The following TRAP1 variants were observed in gnomAD, a reference collection of about 807,000 sequenced individuals.
TRAP1 encodes heat shock protein 75 kDa, mitochondrial.
In TRAP1, 102 loss-of-function variants were observed where a neutral mutation model predicts 89.1. That is an observed-to-expected ratio of 1.15 (90% CI 0.98 to 1.35). The LOEUF (loss-of-function observed/expected upper bound fraction) is 1.35. Among genes scored for constraint, TRAP1 ranks in the 40% most tolerant of loss-of-function variants. The pLI, the probability that TRAP1 is intolerant of heterozygous loss-of-function variation, is 0.00. For synonymous variants in TRAP1, 508 were observed against 388.0 expected, an observed-to-expected ratio of 1.31 and a Z score of -3.64; for missense variants, 1,256 against 945.3, an observed-to-expected ratio of 1.33 and a Z score of -4.31.
chr16:3,702,292 G>A (rs752148919), intron 1 of TRAP1, among the ~76,000 whole-genome samples: 2 of 151,832 alleles, frequency 1.3e-5, no homozygotes, highest in Non-Finnish European at 2.9e-5. Context: ...AAACACAGAG[G>A]GAGGGGGCCT....
chr16:3,713,306 T>C (rs1275233950), intron 1 of TRAP1, among the ~76,000 whole-genome samples: 2 of 152,176 alleles, frequency 1.3e-5, no homozygotes, highest in Admixed American at 6.5e-5. Context: ...AACGAAGTAC[T>C]GAAGGGGAGG....
intron 1 of TRAP1, among the ~76,000 whole-genome samples, chr16:3,703,518 T>A (rs528350068): frequency 3.9e-5 from 6 of 152,050 alleles, no homozygotes; most frequent in South Asian, 4.1e-4. Flanking sequence ...ATGTGATACA[T>A]GCATGCATAG....
intron 1 of TRAP1, among the ~76,000 whole-genome samples, chr16:3,705,644 A>AT (rs1212178510): frequency 1.3e-5 from 2 of 152,086 alleles, no homozygotes; most frequent in Non-Finnish European, 2.9e-5. Context: ...TGTATAGATT[A>AT]TTTTTTTCCA....
chr16:3,665,858 A>AGCC, intron 12 of TRAP1, 113 bp downstream of exon 12: 2 of 1,344,250 alleles, frequency 1.5e-6, no homozygotes, highest in South Asian at 3.0e-5. Context: ...CAGCAGCAGC[A>AGCC]GCCAGGGTAC....
At chr16:3,670,381 T>TTAAAAAAA (rs2050896153) in intron 11 of TRAP1, among the ~76,000 whole-genome samples, 1 of 20,004 alleles carries the variant, frequency 5.0e-5, no homozygotes, top group African/African-American at 6.3e-4. Flanking sequence ...AGACTCCGTC[T>TTAAAAAAA]CAAAAAAAAA....
In TRAP1 at chr16:3,688,677, T is replaced by A. The variant is rs1462163611; in HGVS notation, c.330+378A>T. 3.9e-5 allele frequency among the ~76,000 whole-genome samples: 6 copies of A among 151,936 alleles called. No homozygotes were observed. In the East Asian group the frequency reaches 1.2e-3, roughly 29 times the overall value. ...TTTTAAATTTTTTGTAGAGACGGAGTCTTGCTGTGTTGACCAGGCTGGTCT... is the reference window on the plus strand; with the variant it reads ...TTTTAAATTTTTTGTAGAGACGGAGACTTGCTGTGTTGACCAGGCTGGTCT... On this transcript the variant is annotated intron_variant, in intron 3 of 17. Coordinates refer to ENST00000246957, the MANE Select transcript of TRAP1 (RefSeq NM_016292.3).
At chr16:3,717,104 G>A (rs1250422452) in intron 1 of TRAP1, among the ~76,000 whole-genome samples, 1 of 152,252 alleles carries the variant, frequency 6.6e-6, no homozygotes, top group Non-Finnish European at 1.5e-5. Flanking sequence ...ACCTGCACGT[G>A]CGCTACCTGA....
intron 3 of TRAP1, among the ~76,000 whole-genome samples, chr16:3,688,633 C>T (rs571884146): frequency 2.6e-4 from 40 of 152,188 alleles, no homozygotes; most frequent in African/African-American, 8.9e-4. Flanking sequence ...CAGGTCAGTG[C>T]CCCCATAGCT....
chr16:3,672,234 G>A (rs906075739), intron 10 of TRAP1, among the ~76,000 whole-genome samples: 3 of 152,100 alleles, frequency 2.0e-5, no homozygotes, highest in Admixed American at 6.6e-5. Flanking sequence ...TACTCGGGAG[G>A]CTAAGGCAGG....
At chr16:3,662,694 C>A (rs933688535) in intron 15 of TRAP1, 188 bp downstream of exon 15, 1 of 700,504 alleles carries the variant, frequency 1.4e-6, no homozygotes, top group South Asian at 1.5e-5. Context: ...AAGACACGGC[C>A]TTCCTGCCTC....
chr16:3,662,691 G>T (rs765081536), intron 15 of TRAP1, 191 bp downstream of exon 15: 36 of 698,010 alleles, frequency 5.2e-5, no homozygotes, highest in Non-Finnish European at 7.6e-5. Flanking sequence ...AGAAAGACAC[G>T]GCCTTCCTGC....
intron 1 of TRAP1, among the ~76,000 whole-genome samples, chr16:3,691,912 C>T (rs2051219374): frequency 6.6e-6 from 1 of 152,138 alleles, no homozygotes; most frequent in Non-Finnish European, 1.5e-5. Flanking sequence ...CGGCAGAGCC[C>T]AGCGAGGGAG....
chr16:3,677,650 C>T lies in TRAP1; in HGVS notation c.552G>A (p.Leu184=), dbSNP rs2051017579. Residue 184 remains leucine (L), a synonymous_variant, in exon 6 of 18, where the codon CTG becomes CTA. Coordinates refer to ENST00000246957, the MANE Select transcript of TRAP1 (RefSeq NM_016292.3). ...TIARSGSKAF[L]DALQNQAEAS... ...CCTCAGCCTGGTTCTGCAGAGCATC[C>T]AGGAAGGCCTGTGGGGCAGAGGCCA... 1 of 1,613,544 alleles carries T rather than the reference C, an allele frequency of 6.2e-7. No homozygotes were observed. Among genetic ancestry groups the T allele is most frequent in the Non-Finnish European group, 8.5e-7 (1 of 1,179,908 alleles).
At chr16:3,693,646 G>C (rs1251143435) in intron 1 of TRAP1, among the ~76,000 whole-genome samples, 1 of 152,104 alleles carries the variant, frequency 6.6e-6, no homozygotes, top group Non-Finnish European at 1.5e-5. Flanking sequence ...TGTGTATTTT[G>C]TTTCCTAGGA....
chr16:3,674,701 G>A (rs1382511518), intron 8 of TRAP1: 4 of 615,948 alleles, frequency 6.5e-6, no homozygotes, highest in African/African-American at 5.5e-5. Context: ...TGGGGCAGGA[G>A]CTCCTCAGGA....
Position 3,671,607 on chromosome 16 carries a change from C to T in TRAP1, c.1235+115G>A, listed in dbSNP as rs1220889768. 3.4e-6 allele frequency: 4 copies of T among 1,163,612 alleles called. No homozygotes were observed. The African/African-American group carries it at 4.6e-5, about 13-fold the overall frequency. 72.1% of individuals were successfully genotyped at this position (1,163,612 alleles called of 1,614,324 possible). On this transcript the variant is annotated intron_variant, in intron 11 of 17. Transcript: ENST00000246957. Reference sequence around the variant, plus strand: ...GGGCCCCCATGTGCAGGCCGGGCTTCCCCGACCACCTCTGCTCTCAGCTCC... The same window carrying T: ...GGGCCCCCATGTGCAGGCCGGGCTTTCCCGACCACCTCTGCTCTCAGCTCC...
At position 3,658,050 on chromosome 16, in the gene TRAP1, T is replaced by C. The variant is rs956798537; in HGVS notation, c.*79A>G. On this transcript the variant is annotated 3_prime_UTR_variant, in exon 18 of 18. Coordinates refer to ENST00000246957, the MANE Select transcript of TRAP1 (RefSeq NM_016292.3). The stretch of plus-strand genomic sequence containing the variant: ...CCCAACACACACTCGGGTTAAGAAA[T>C]ACCTTTAAATTTAGGTAAATAAAGC... 2.5e-6 allele frequency: 4 copies of C among 1,607,280 alleles called. No individual in the cohort carries two copies. The highest frequency in any genetic ancestry group is 3.4e-6 in the Non-Finnish European group (4 of 1,175,920).
At chr16:3,669,480 C>A (rs1425167570) in intron 11 of TRAP1, among the ~76,000 whole-genome samples, 1 of 152,152 alleles carries the variant, frequency 6.6e-6, no homozygotes, top group Non-Finnish European at 1.5e-5. Flanking sequence ...ATAGTTATAT[C>A]TTCCGACCAA....
At chr16:3,678,324 T>C (rs2051027333) in intron 5 of TRAP1, 1 of 152,246 alleles carries the variant, frequency 6.6e-6, no homozygotes, top group South Asian at 2.1e-4. Context: ...TTTTATTTAA[T>C]TTGAATGCAT....
Sources: allele counts gnomAD v4.1 joint callset (sites outside exome capture counted in the v4.1 genomes callset), GRCh38; gene constraint gnomAD v4.1.1; transcripts MANE v1.5; gene names NCBI Gene and HGNC (gene_info 2026-07-23, HGNC 2026-07-21).